The following TMEM117 variants were observed in gnomAD, a reference collection of about 807,000 sequenced individuals.
TMEM117 encodes transmembrane protein 117.
In TMEM117, 27 loss-of-function variants were observed where a neutral mutation model predicts 52.4. That is an observed-to-expected ratio of 0.51 (90% CI 0.38 to 0.71). TMEM117 has a LOEUF of 0.71. TMEM117 is among the 30% of genes least tolerant of loss of function. The probability of loss-of-function intolerance (pLI) is 0.00; values close to 1 mark genes in which losing one functional copy is unlikely to be tolerated. For missense variants in TMEM117, 556 were observed against 630.5 expected, an observed-to-expected ratio of 0.88 and a Z score of 1.26; for synonymous variants, 215 against 206.3, an observed-to-expected ratio of 1.04 and a Z score of -0.36.
chr12:43,931,289 A>G (rs1043642207), intron 2 of TMEM117, among the ~76,000 whole-genome samples: 4 of 152,216 alleles, frequency 2.6e-5, no homozygotes, highest in Admixed American at 6.5e-5. Flanking sequence ...GCATCAAACT[A>G]TTTCCAAGTA....
Position 44,308,387 on chromosome 12 carries a change from T to C in TMEM117, c.768+8648T>C, listed in dbSNP as rs1021537732. Among the ~76,000 whole-genome samples, 11 of 152,144 alleles carry C rather than the reference T, an allele frequency of 7.2e-5. 1 individual carries two copies. The East Asian group carries it at 1.9e-3, about 27-fold the overall frequency. The stretch of plus-strand genomic sequence containing the variant: ...CAGCCCTATCCCTCACTCTCATCTT[T>C]GCATGTGTGTCAAGGTTGGCCCTGG... On this transcript the variant is annotated intron_variant, in intron 6 of 7. Coordinates refer to ENST00000266534, the MANE Select transcript of TMEM117 (RefSeq NM_032256.3).
intron 2 of TMEM117, among the ~76,000 whole-genome samples, chr12:43,928,233 T>C (rs1944813182): frequency 1.3e-5 from 2 of 152,068 alleles, no homozygotes; most frequent in Admixed American, 1.3e-4. Flanking sequence ...GCGATTGCTG[T>C]TCAGGGTTCT....
intron 5 of TMEM117, among the ~76,000 whole-genome samples, chr12:44,221,903 T>G (rs1247180190): frequency 6.6e-6 from 1 of 152,148 alleles, no homozygotes; most frequent in Non-Finnish European, 1.5e-5. Flanking sequence ...TTCACCATGT[T>G]GGCCAGGCTG....
chr12:44,054,900 C>T (rs1034210925), intron 3 of TMEM117, among the ~76,000 whole-genome samples: 1 of 152,044 alleles, frequency 6.6e-6, no homozygotes, highest in African/African-American at 2.4e-5. Flanking sequence ...ACCTTCCCCA[C>T]CCCACGACAG....
chr12:44,182,598 A>T (rs549262639), intron 4 of TMEM117, among the ~76,000 whole-genome samples: 13 of 152,242 alleles, frequency 8.5e-5, no homozygotes, highest in Non-Finnish European at 1.8e-4. Flanking sequence ...CCAATATCAT[A>T]CTGAAAGAAC....
intron 4 of TMEM117, among the ~76,000 whole-genome samples, chr12:44,161,893 G>T (rs1279296198): frequency 6.6e-6 from 1 of 152,090 alleles, no homozygotes; most frequent in Non-Finnish European, 1.5e-5. Context: ...AGGAAGGTGA[G>T]AATTATGTGG....
At chr12:44,296,237 C>T (rs991836873) in intron 5 of TMEM117, among the ~76,000 whole-genome samples, 9 of 152,162 alleles carry the variant, frequency 5.9e-5, no homozygotes, top group African/African-American at 2.2e-4. Flanking sequence ...GTGTCTTTCT[C>T]TCCAGGTTCT....
chr12:43,943,065 T>A (rs1945070473), intron 2 of TMEM117, among the ~76,000 whole-genome samples: 1 of 149,244 alleles, frequency 6.7e-6, no homozygotes, highest in Admixed American at 6.8e-5. Context: ...GTAATCCCAG[T>A]TACCTGGGAG....
chr12:43,916,902 CT>C (rs1944613628), intron 2 of TMEM117, among the ~76,000 whole-genome samples: 1 of 152,164 alleles, frequency 6.6e-6, no homozygotes, highest in African/African-American at 2.4e-5. Context: ...ACTCCCCTCT[CT>C]ACTCCTCCCA....
intron 6 of TMEM117, among the ~76,000 whole-genome samples, chr12:44,366,277 A>T (rs927266024): frequency 6.6e-6 from 1 of 152,064 alleles, no homozygotes; most frequent in Non-Finnish European, 1.5e-5. Context: ...GGCAACTGCT[A>T]ACAAACATGT....
At chr12:43,988,292 T>C (rs1945881244) in intron 3 of TMEM117, among the ~76,000 whole-genome samples, 1 of 152,086 alleles carries the variant, frequency 6.6e-6, no homozygotes, top group South Asian at 2.1e-4. Flanking sequence ...AAATGAGATC[T>C]ACATGTGTGA....
In TMEM117 at chr12:44,028,111, T is replaced by C. The variant is rs1386910912; in HGVS notation, c.410+83769T>C. On this transcript the variant is annotated intron_variant, in intron 3 of 7. Coordinates refer to ENST00000266534, the MANE Select transcript of TMEM117 (RefSeq NM_032256.3). ...GGGAGGCTGAGGCAGAAGAATGGTG[T>C]GAATCTGGGAGGTGGAGTGTGCAGT... 2.0e-5 allele frequency among the ~76,000 whole-genome samples: 3 copies of C among 152,056 alleles called. No homozygotes were observed. The East Asian group carries it at 5.8e-4, about 29-fold the overall frequency.
At chr12:43,994,834 G>T (rs1198892350) in intron 3 of TMEM117, among the ~76,000 whole-genome samples, 2 of 152,084 alleles carry the variant, frequency 1.3e-5, no homozygotes, top group African/African-American at 4.8e-5. Flanking sequence ...GATGAAGGAG[G>T]AAGTGAACTT....
chr12:44,165,567 C>T (rs1224297654), intron 4 of TMEM117, among the ~76,000 whole-genome samples: 3 of 151,944 alleles, frequency 2.0e-5, no homozygotes, highest in Non-Finnish European at 1.5e-5. Flanking sequence ...TAAACACTGA[C>T]GGGAGTAGCT....
At chr12:44,374,543 T>A (rs1951912057) in intron 6 of TMEM117, among the ~76,000 whole-genome samples, 1 of 152,122 alleles carries the variant, frequency 6.6e-6, no homozygotes, top group Admixed American at 6.5e-5. Context: ...CTTCCCCCTC[T>A]TTCCTTTACC....
At chr12:44,022,505 T>C (rs1287111061) in intron 3 of TMEM117, among the ~76,000 whole-genome samples, 1 of 152,202 alleles carries the variant, frequency 6.6e-6, no homozygotes, top group African/African-American at 2.4e-5. Context: ...CTTTAAATGT[T>C]TCTAATGCAT....
intron 4 of TMEM117, among the ~76,000 whole-genome samples, chr12:44,144,705 A>G (rs1233880773): frequency 2.6e-5 from 4 of 152,218 alleles, no homozygotes; most frequent in Middle Eastern, 3.2e-3. Context: ...TTGAGCCTCC[A>G]CCTACCTCTG....
chr12:44,128,495 G>T (rs183073096), intron 3 of TMEM117, among the ~76,000 whole-genome samples: 2 of 152,316 alleles, frequency 1.3e-5, no homozygotes, highest in Admixed American at 1.3e-4. Flanking sequence ...TGGCATCCAG[G>T]AGGTGTTCAA....
chr12:43,912,867 G>T (rs559851714), intron 2 of TMEM117, among the ~76,000 whole-genome samples: 6 of 151,876 alleles, frequency 4.0e-5, no homozygotes, highest in Non-Finnish European at 8.8e-5. Flanking sequence ...TGTTGTATCT[G>T]TCTGCCATGT....
Sources: allele counts gnomAD v4.1 joint callset (sites outside exome capture counted in the v4.1 genomes callset), GRCh38; gene constraint gnomAD v4.1.1; transcripts MANE v1.5; gene names NCBI Gene and HGNC (gene_info 2026-07-23, HGNC 2026-07-21).